ANKS3: variants seen among roughly 807,000 people sequenced by gnomAD.
ANKS3 encodes the protein ankyrin repeat and sterile alpha motif domain containing 3.
A neutral mutation model predicts 80.7 loss-of-function variants in ANKS3; 62 were observed. The observed-to-expected ratio is 0.77, with a 90% CI of 0.63 to 0.95. The LOEUF (loss-of-function observed/expected upper bound fraction) is 0.95. ANKS3 is among the 40% of genes least tolerant of loss of function. ANKS3 has a pLI of 0.00. For synonymous variants in ANKS3, 489 were observed against 355.3 expected (o/e 1.38, Z -4.23); for missense variants, 1,150 against 883.6 (o/e 1.30, Z -3.82).
In ANKS3 at chr16:4,697,597, C is replaced by G. The variant is rs573976355; in HGVS notation, c.1811-181G>C. Reference sequence around the variant, plus strand: ...AAGCCCTGTTGTGCCCTTCCTCCCACAGGCTGAGCAAACACTACGAGGCCC... The same window carrying G: ...AAGCCCTGTTGTGCCCTTCCTCCCAGAGGCTGAGCAAACACTACGAGGCCC... On this transcript the variant is annotated intron_variant, in intron 15 of 17. Transcript: ENST00000304283. Among the ~76,000 whole-genome samples the G allele has an allele frequency of 3.3e-5, 5 of 151,886 alleles. No individual in the cohort carries two copies. The South Asian group carries it at 1.0e-3, about 31-fold the overall frequency.
intron 15 of ANKS3, among the ~76,000 whole-genome samples, chr16:4,697,703 C>T (rs762546139): frequency 1.1e-4 from 16 of 152,228 alleles, no homozygotes; most frequent in African/African-American, 1.9e-4. Flanking sequence ...AAGTCACTGG[C>T]GGTCTCAGCA....
chr16:4,701,096 T>A lies in ANKS3; in HGVS notation c.1158A>T (p.Gln386His). 1 of 1,614,050 alleles carries A rather than the reference T, an allele frequency of 6.2e-7. No homozygotes were observed. Among genetic ancestry groups the A allele is most frequent in the Non-Finnish European group, 8.5e-7 (1 of 1,180,026 alleles). Reference protein sequence around the residue: ...DHACKSSARKQAKSYMKTKNP... With the variant: ...DHACKSSARKHAKSYMKTKNP... ...TCTTGGTCTTCATGTAACTTTTAGC[T>A]TGTTTGCGAGCTGAGCTTTTACAGG... The change falls in exon 11 of 18, where the codon CAA (glutamine) becomes CAT (histidine). Residue 386 changes from glutamine to histidine, a missense_variant. Physicochemically the swap from Gln to His is conservative, Grantham distance 24. Coordinates refer to ENST00000304283, the MANE Select transcript of ANKS3 (RefSeq NM_133450.4).
At chr16:4,697,936 C>G (rs1377419495) in intron 15 of ANKS3, 41 bp downstream of exon 15, 1 of 1,472,306 alleles carries the variant, frequency 6.8e-7, no homozygotes, top group Non-Finnish European at 9.0e-7. Context: ...GCTCCCCCAC[C>G]TTCCCCTCTG....
At chr16:4,725,614 C>T (rs2081307916) in intron 5 of ANKS3, among the ~76,000 whole-genome samples, 1 of 152,160 alleles carries the variant, frequency 6.6e-6, no homozygotes, top group Non-Finnish European at 1.5e-5. Flanking sequence ...TCATGACAAG[C>T]TTTAGACAAC....
intron 1 of ANKS3, among the ~76,000 whole-genome samples, chr16:4,731,919 A>AAGGT (rs1000196675): frequency 1.3e-5 from 2 of 152,326 alleles, no homozygotes; most frequent in Admixed American, 1.3e-4. Context: ...AGTGCCAGGA[A>AAGGT]ACAAGGGTAG....
intron 8 of ANKS3, among the ~76,000 whole-genome samples, chr16:4,702,587 A>G (rs1184887851): frequency 6.6e-6 from 1 of 152,102 alleles, no homozygotes; most frequent in African/African-American, 2.4e-5. Flanking sequence ...GGAGGTAGCT[A>G]ATGACCTCAC....
Position 4,698,023 on chromosome 16 carries a change from G to A in ANKS3, c.1764C>T (p.Asp588=). The A allele has an allele frequency of 1.2e-6, 2 of 1,608,918 alleles. No homozygotes were observed. The highest frequency in any genetic ancestry group is 1.7e-6 in the Non-Finnish European group (2 of 1,178,544). Residue 588 remains aspartate, a synonymous_variant, in exon 15 of 18, where the codon GAC becomes GAT. Transcript: ENST00000304283. ...QAELSSRVRQ[D]QPPGAATLGL... is the part of the protein sequence containing the mutation. ...CCAGAGTGGCTGCACCAGGGGGCTG[G>A]TCCTGCCTCACTCGAGATGACAGCT...
At chr16:4,722,107 C>T (rs887894616) in intron 6 of ANKS3, among the ~76,000 whole-genome samples, 10 of 151,246 alleles carry the variant, frequency 6.6e-5, no homozygotes, top group African/African-American at 1.9e-4. Context: ...GACAGGCCTG[C>T]GGTGCACCCA....
chr16:4,701,847 C>G, intron 9 of ANKS3: 1 of 504,988 alleles, frequency 2.0e-6, no homozygotes, highest in Non-Finnish European at 3.4e-6. Context: ...GGGGCCTGCC[C>G]TGAAAGCCTC....
At position 4,734,021 on chromosome 16, in the gene ANKS3, A is replaced by C. The variant is rs961741278; in HGVS notation, c.-154T>G. Reference sequence around the variant, plus strand: ...AGGGCATTACTGTGCCCCCACCACAACCACATAAAGAAAATGTGGGGGCTC... The same window carrying C: ...AGGGCATTACTGTGCCCCCACCACACCCACATAAAGAAAATGTGGGGGCTC... On this transcript the variant is annotated 5_prime_UTR_variant, in exon 1 of 18. Coordinates refer to ENST00000304283, the MANE Select transcript of ANKS3 (RefSeq NM_133450.4). 2.0e-6 allele frequency: 2 copies of C among 985,310 alleles called. No homozygotes were observed. The highest frequency in any genetic ancestry group is 9.4e-5 in the South Asian group (2 of 21,290). The allele number at this position is 985,310 out of a possible 1,614,324, so 61.0% of individuals were successfully genotyped here.
At position 4,722,278 on chromosome 16, in the gene ANKS3, G is replaced by A. The variant is rs535770435; in HGVS notation, c.573+2472C>T. Among the ~76,000 whole-genome samples, 11 of 151,426 alleles carry A rather than the reference G, an allele frequency of 7.3e-5. No individual in the cohort carries two copies. The South Asian group carries it at 1.3e-3, about 17-fold the overall frequency. On this transcript the variant is annotated intron_variant, in intron 6 of 17. Coordinates refer to ENST00000304283, the MANE Select transcript of ANKS3 (RefSeq NM_133450.4). ...ATTGGGCAATAAACATAGACAGCTCGTAAGAGAAATACAAATGGCCAGCCG... is the reference window on the plus strand; with the variant it reads ...ATTGGGCAATAAACATAGACAGCTCATAAGAGAAATACAAATGGCCAGCCG...
intron 7 of ANKS3, among the ~76,000 whole-genome samples, chr16:4,708,056 A>G (rs2080291038): frequency 6.6e-6 from 1 of 152,170 alleles, no homozygotes; most frequent in Admixed American, 6.6e-5. Context: ...CAGAGGTTGC[A>G]GTGAGTCAAG....
At position 4,699,522 on chromosome 16, in the gene ANKS3, A is replaced by G. The variant is rs1304038317; in HGVS notation, c.1285-346T>C. On this transcript the variant is annotated intron_variant, in intron 11 of 17. Coordinates refer to ENST00000304283, the MANE Select transcript of ANKS3 (RefSeq NM_133450.4). Reference sequence around the variant, plus strand: ...CGCTGCCCTCTAATTCTAGAGTCTCAGTGTCGGATGTTCTGATTTCCACTT... The same window carrying G: ...CGCTGCCCTCTAATTCTAGAGTCTCGGTGTCGGATGTTCTGATTTCCACTT... The G allele has an allele frequency of 2.8e-5, 8 of 281,594 alleles. No individual in the cohort carries two copies. The East Asian group carries it at 5.3e-4, about 19-fold the overall frequency. The allele number at this position is 281,594 out of a possible 1,614,324, so 17.4% of individuals were successfully genotyped here.
In ANKS3 at chr16:4,699,531, T is replaced by C; in HGVS notation, c.1285-355A>G. Reference sequence around the variant, plus strand: ...CTAATTCTAGAGTCTCAGTGTCGGATGTTCTGATTTCCACTTGTCTAAGCG... The same window carrying C: ...CTAATTCTAGAGTCTCAGTGTCGGACGTTCTGATTTCCACTTGTCTAAGCG... On this transcript the variant is annotated intron_variant, in intron 11 of 17. Coordinates refer to ENST00000304283, the MANE Select transcript of ANKS3 (RefSeq NM_133450.4). 1.1e-5 allele frequency: 3 copies of C among 267,882 alleles called. No homozygotes were observed. The South Asian group carries it at 1.5e-4, about 13-fold the overall frequency. 16.6% of individuals were successfully genotyped at this position (267,882 alleles called of 1,614,324 possible). A position where few individuals can be genotyped will look rare whatever the true frequency, so the allele number is the denominator to read the frequency against.
At chr16:4,706,687 T>G (rs1193204743) in intron 7 of ANKS3, among the ~76,000 whole-genome samples, 1 of 152,248 alleles carries the variant, frequency 6.6e-6, no homozygotes, top group Non-Finnish European at 1.5e-5. Flanking sequence ...TATAAGGCTC[T>G]GATCTGATTC....
chr16:4,727,173 C>G lies in ANKS3; in HGVS notation c.175G>C (p.Glu59Gln). 1.9e-6 allele frequency: 3 copies of G among 1,614,016 alleles called. No individual in the cohort carries two copies. Among genetic ancestry groups the G allele is most frequent in the South Asian group, 1.1e-5 (1 of 91,088 alleles). Residue 59 changes from glutamate (E) to glutamine (Q), a missense_variant, in exon 4 of 18, where the codon GAG (glutamate) becomes CAG (glutamine). Physicochemically the swap from Glu to Gln is conservative, Grantham distance 29. Coordinates refer to ENST00000304283, the MANE Select transcript of ANKS3 (RefSeq NM_133450.4). Reference sequence around the variant, plus strand: ...CCATTCTTCTTATTCAAATCTAACTCTCTCCTAAACAAACGCAAGATATGC... The same window carrying G: ...CCATTCTTCTTATTCAAATCTAACTGTCTCCTAAACAAACGCAAGATATGC... ...EVVKECVQRR[E>Q]LDLNKKNGGG...
At chr16:4,730,258 C>T in intron 2 of ANKS3, 107 bp from the exon 3 acceptor site, 3 of 1,139,590 alleles carry the variant, frequency 2.6e-6, no homozygotes, top group Non-Finnish European at 1.2e-6. Context: ...GACTGATAAC[C>T]CAGTGCAGTC....
At chr16:4,722,834 C>A (rs565756622) in intron 6 of ANKS3, among the ~76,000 whole-genome samples, 7 of 150,934 alleles carry the variant, frequency 4.6e-5, no homozygotes, top group Admixed American at 1.3e-4. Flanking sequence ...AGAAGAACTG[C>A]TTGAACTTGG....
chr16:4,701,524 G>T lies in ANKS3; in HGVS notation c.1029C>A (p.Ala343=). 6.2e-7 allele frequency: 1 copy of T among 1,611,118 alleles called. No homozygotes were observed. Among genetic ancestry groups the T allele is most frequent in the South Asian group, 1.1e-5 (1 of 90,970 alleles). The change falls in exon 10 of 18, where the codon GCC becomes GCA. Residue 343 remains alanine, a synonymous_variant. Coordinates refer to ENST00000304283, the MANE Select transcript of ANKS3 (RefSeq NM_133450.4). ...SSSREEHAFC[A]NLGPVQSSSS... ...TGCTGCTCTGGACGGGCCCCAGGTT[G>T]GCACAGAAAGCATGTTCCTCTGAGG...
Sources: gnomAD v4.1 joint callset for allele counts (sites outside exome capture counted in the v4.1 genomes callset) on GRCh38, gnomAD v4.1.1 for gene constraint, MANE v1.5 for transcripts, NCBI Gene and HGNC (gene_info 2026-07-23, HGNC 2026-07-21) for gene names.